Variants in ADGRL3 observed in about 807,000 individuals in gnomAD.
The protein encoded by ADGRL3 is calcium-independent alpha-latrotoxin receptor 3.
ADGRL3 carries 62 observed loss-of-function variants against 153.5 expected under a neutral mutation model. The ratio of observed to expected loss-of-function variants is 0.40; its 90% CI spans 0.33 to 0.50. ADGRL3 has a LOEUF of 0.50. Ranked by LOEUF, ADGRL3 falls within the 20% of genes least tolerant of loss-of-function variation. The probability of loss-of-function intolerance (pLI) is 0.47; values close to 1 mark genes in which losing one functional copy is unlikely to be tolerated. For synonymous variants in ADGRL3, 710 were observed against 672.5 expected, an observed-to-expected ratio of 1.06 and a Z score of -0.86; for missense variants, 1,641 against 1,859.4, an observed-to-expected ratio of 0.88 and a Z score of 2.16.
rs533708091 is a variant in ADGRL3, at chr4:61,899,495, T to C, written c.1887+3661T>C. On this transcript the variant is annotated intron_variant, in intron 11 of 26. Coordinates refer to ENST00000683033, the MANE Select transcript of ADGRL3 (RefSeq NM_001387552.1). ...GCAAAGGAACACTTTTTACCCCCAA[T>C]GGAAACACAGGTGAAAAAAAACCAC... Among the ~76,000 whole-genome samples, 700 of 151,712 alleles carry C rather than the reference T, an allele frequency of 4.6e-3. 7 individuals carry two copies. The highest frequency in any genetic ancestry group is 0.01 in the Middle Eastern group (3 of 290).
intron 1 of ADGRL3, among the ~76,000 whole-genome samples, chr4:61,378,782 T>C (rs781393139): frequency 2.0e-5 from 3 of 151,972 alleles, no homozygotes; most frequent in African/African-American, 4.8e-5. Context: ...AAAATCATCA[T>C]GAGAAAAATG....
intron 2 of ADGRL3, among the ~76,000 whole-genome samples, chr4:61,449,915 A>G (rs2097653245): frequency 6.6e-6 from 1 of 152,232 alleles, no homozygotes; most frequent in Non-Finnish European, 1.5e-5. Flanking sequence ...AGAAAATGAT[A>G]TAATGGTGTT....
At chr4:61,399,150 A>G (rs1292696142) in intron 2 of ADGRL3, among the ~76,000 whole-genome samples, 3 of 151,744 alleles carry the variant, frequency 2.0e-5, no homozygotes, top group Admixed American at 2.0e-4. Flanking sequence ...TAAAATTATT[A>G]TTTATTCTGC....
chr4:61,960,067 G>A (rs552256852), intron 17 of ADGRL3, among the ~76,000 whole-genome samples: 21 of 152,192 alleles, frequency 1.4e-4, no homozygotes, highest in African/African-American at 4.3e-4. Flanking sequence ...TTTCAAAAAC[G>A]TAAGATTTTA....
rs2097172844 is a variant in ADGRL3 at position 61,418,913 on chromosome 4, A to G, written c.-174+35724A>G. Among the ~76,000 whole-genome samples the G allele has an allele frequency of 2.0e-5, 3 of 150,746 alleles. 1 individual carries two copies. The South Asian group carries it at 6.3e-4, about 32-fold the overall frequency. ...AAAAAGAAAAAAGTTAAATTAATTT[A>G]GAAGTTTATTTACAGTTTAGTGACT... On this transcript the variant is annotated intron_variant, in intron 2 of 26. Transcript: ENST00000683033.
chr4:61,589,599 A>C (rs2098961090), intron 5 of ADGRL3, among the ~76,000 whole-genome samples: 2 of 152,084 alleles, frequency 1.3e-5, no homozygotes, highest in Non-Finnish European at 2.9e-5. Context: ...TTCTAGAAAG[A>C]GACTATATCA....
chr4:61,694,993 C>T (rs959951766), intron 6 of ADGRL3, among the ~76,000 whole-genome samples: 6 of 152,178 alleles, frequency 3.9e-5, no homozygotes, highest in East Asian at 3.9e-4. Flanking sequence ...GTCACATCTT[C>T]AGGCTCCACT....
intron 5 of ADGRL3, among the ~76,000 whole-genome samples, chr4:61,646,303 T>A (rs930566344): frequency 1.9e-4 from 29 of 152,222 alleles, no homozygotes; most frequent in African/African-American, 6.5e-4. Context: ...TCATTCTCCA[T>A]CCAGCTTTGT....
chr4:61,998,230 A>G lies in ADGRL3; in HGVS notation c.3360A>G (p.Ile1120Met), dbSNP rs2099128490. The G allele has an allele frequency of 1.9e-6, 3 of 1,588,368 alleles. No homozygotes were observed. The highest frequency in any genetic ancestry group is 2.6e-6 in the Non-Finnish European group (3 of 1,168,862). Reference sequence around the variant, plus strand: ...ATAAAATGTTTCATCATACTGCTATACTGAAACCTGAATCAGGCTGTCTTG... The same window carrying G: ...ATAAAATGTTTCATCATACTGCTATGCTGAAACCTGAATCAGGCTGTCTTG... ...ALYKMFHHTA[I>M]LKPESGCLDN... The change falls in exon 21 of 27, where the codon ATA (isoleucine) becomes ATG (methionine). Residue 1120 changes from isoleucine (I) to methionine (M), a missense_variant. This residue lies in a region of ADGRL3 where 517 missense variants were observed against 555.0 expected (regional missense o/e 0.93). Transcript: ENST00000683033.
rs551342917 is a variant in ADGRL3, at chr4:61,644,178, C to CT, written c.474-32641dup. 9.5e-3 allele frequency among the ~76,000 whole-genome samples: 1,368 copies of CT among 144,166 alleles called. 22 individuals are homozygous for CT. The highest frequency in any genetic ancestry group is 0.033 in the Admixed American group (459 of 14,038). The allele number at this position is 144,166 out of a possible 152,430, so 94.6% of individuals were successfully genotyped here. ...TATTGTGTCTATTTGATTCTTCTCT[C>CT]TTTTTTTCTTTATTAGTCTTGCTAG... On this transcript the variant is annotated intron_variant, in intron 5 of 26. Coordinates refer to ENST00000683033, the MANE Select transcript of ADGRL3 (RefSeq NM_001387552.1).
intron 9 of ADGRL3, among the ~76,000 whole-genome samples, chr4:61,821,681 G>C (rs762483672): frequency 1.5e-4 from 23 of 151,966 alleles, no homozygotes; most frequent in Non-Finnish European, 3.1e-4. Flanking sequence ...TTTCACATTT[G>C]AAAAATTACA....
intron 17 of ADGRL3, among the ~76,000 whole-genome samples, chr4:61,950,242 T>A (rs947546999): frequency 6.6e-6 from 1 of 150,986 alleles, no homozygotes; most frequent in Non-Finnish European, 1.5e-5. Flanking sequence ...GGTTTACAGG[T>A]TTTTTTTTAG....
At chr4:61,333,830 G>T (rs2151008596) in intron 1 of ADGRL3, among the ~76,000 whole-genome samples, 1 of 151,832 alleles carries the variant, frequency 6.6e-6, no homozygotes, top group African/African-American at 2.4e-5. Context: ...TGCCCAGGCT[G>T]GTCTCAAACT....
intron 4 of ADGRL3, among the ~76,000 whole-genome samples, chr4:61,529,382 T>C (rs1370580484): frequency 6.6e-6 from 1 of 152,182 alleles, no homozygotes; most frequent in Non-Finnish European, 1.5e-5. Flanking sequence ...ACATGTATTA[T>C]AGTTAGGCTA....
intron 4 of ADGRL3, among the ~76,000 whole-genome samples, chr4:61,568,782 T>C (rs1161318830): frequency 2.0e-5 from 3 of 152,188 alleles, no homozygotes; most frequent in Non-Finnish European, 4.4e-5. Context: ...AGCATGATCA[T>C]GGTTCTCCTT....
intron 5 of ADGRL3, among the ~76,000 whole-genome samples, chr4:61,664,652 C>G (rs534239271): frequency 1.3e-5 from 2 of 152,164 alleles, no homozygotes; most frequent in South Asian, 4.2e-4. Flanking sequence ...TTTAATCAGA[C>G]TATACACTAA....
intron 4 of ADGRL3, among the ~76,000 whole-genome samples, chr4:61,562,951 A>G (rs1408816752): frequency 6.6e-6 from 1 of 151,746 alleles, no homozygotes; most frequent in Admixed American, 6.6e-5. Context: ...TCTCAAAAAA[A>G]AAAAAAAAAA....
At chr4:62,040,971 C>T (rs1468095040) in intron 24 of ADGRL3, among the ~76,000 whole-genome samples, 2 of 151,760 alleles carry the variant, frequency 1.3e-5, no homozygotes, top group Non-Finnish European at 2.9e-5. Flanking sequence ...GTTTGGAGAA[C>T]TTACAAAAAA....
At chr4:61,404,046 A>G (rs2096963355) in intron 2 of ADGRL3, among the ~76,000 whole-genome samples, 1 of 152,012 alleles carries the variant, frequency 6.6e-6, no homozygotes, top group East Asian at 1.9e-4. Context: ...ATTTTAGGGG[A>G]TACCATTCAG....
Sources: gnomAD v4.1 joint callset for allele counts (sites outside exome capture counted in the v4.1 genomes callset) on GRCh38, gnomAD v4.1.1 for gene constraint, gnomAD v4.1.1 regional missense constraint, MANE v1.5 for transcripts, NCBI Gene and HGNC (gene_info 2026-07-23, HGNC 2026-07-21) for gene names.